The following DBF4B variants were observed in gnomAD, a reference collection of about 807,000 sequenced individuals.
DBF4B encodes the protein protein DBF4 homolog B.
Under a neutral mutation model 53.4 loss-of-function variants are expected in DBF4B, and 49 were observed. The ratio of observed to expected loss-of-function variants is 0.92; its 90% CI spans 0.73 to 1.16. The LOEUF (loss-of-function observed/expected upper bound fraction) is 1.16, where lower values mean the gene tolerates loss of function less well. Among genes scored for constraint, DBF4B ranks in the 50% most tolerant of loss-of-function variants. DBF4B has a pLI of 0.00. For missense variants in DBF4B, 692 were observed against 775.0 expected (o/e 0.89, Z 1.27); for synonymous variants, 257 against 288.7 (o/e 0.89, Z 1.11).
At chr17:44,748,500 G>A (rs534995901) in intron 13 of DBF4B, 35 bp downstream of exon 13, 24 of 1,612,482 alleles carry the variant, frequency 1.5e-5, no homozygotes, top group Admixed American at 6.7e-5. Flanking sequence ...TGGACAGCAC[G>A]CAGGCACCAG....
intron 10 of DBF4B, among the ~76,000 whole-genome samples, chr17:44,746,391 C>CT (rs1976600372): frequency 1.3e-5 from 2 of 152,154 alleles, no homozygotes; most frequent in African/African-American, 4.8e-5. Flanking sequence ...AGTCCCTTCA[C>CT]TGTGGTTGAG....
chr17:44,731,915 C>A, intron 5 of DBF4B: 1 of 416,666 alleles, frequency 2.4e-6, no homozygotes. Flanking sequence ...AGCATCTGTT[C>A]CTTCCTGGTC....
In DBF4B at chr17:44,747,137, G is replaced by A. The variant is rs2049120226; in HGVS notation, c.885G>A (p.Arg295=). Residue 295 remains arginine, a synonymous_variant, in exon 11 of 14, where the codon AGG becomes AGA. Transcript: ENST00000315005. The part of the protein sequence containing the change: ...SPRSAAHTMP[R]RKKGYCECCQ... ...GATCAGCTGCCCACACCATGCCCAG[G>A]AGGAAGAAAGGCTACTGCGAGTGCT... 6.2e-7 allele frequency: 1 copy of A among 1,614,218 alleles called. No homozygotes were observed. Among genetic ancestry groups the A allele is most frequent in the South Asian group, 1.1e-5 (1 of 91,082 alleles).
intron 3 of DBF4B, among the ~76,000 whole-genome samples, chr17:44,729,656 T>C (rs1974647739): frequency 6.8e-6 from 1 of 147,826 alleles, no homozygotes; most frequent in South Asian, 2.1e-4. Context: ...GGGGCAGCAG[T>C]CCTGTAGACA....
intron 9 of DBF4B, among the ~76,000 whole-genome samples, chr17:44,740,165 ACAATAT>A (rs1022792907): frequency 2.0e-5 from 3 of 152,174 alleles, no homozygotes; most frequent in African/African-American, 7.2e-5. Context: ...CTAAGCAGAA[ACAATAT>A]CATTGAAGAA....
chr17:44,718,449 T>C (rs897836842), intron 2 of DBF4B, among the ~76,000 whole-genome samples: 1 of 151,658 alleles, frequency 6.6e-6, no homozygotes, highest in African/African-American at 2.4e-5. Context: ...AGGTTACATA[T>C]TGCCTTTAAT....
rs1008348289 is a variant in DBF4B at position 44,734,148 on chromosome 17, G to C, written c.615G>C (p.Gln205His). 3.1e-6 allele frequency: 5 copies of C among 1,614,040 alleles called. No homozygotes were observed. Among genetic ancestry groups the C allele is most frequent in the African/African-American group, 1.3e-5 (1 of 74,914 alleles). Residue 205 changes from glutamine (Q) to histidine (H), a missense_variant, in exon 7 of 14, where the codon CAG (glutamine) becomes CAC (histidine). This residue lies in a region of DBF4B where 597 missense variants were observed against 665.8 expected (regional missense o/e 0.90). Transcript: ENST00000315005. ...CGTCTTTATGTGTGAAAAAACAACA[G>C]CCAAAGAAGCCAGAGGTAGGTCATC... ...SLASLCVKKQ[Q>H]PKKPEGTCPA...
Position 44,751,356 on chromosome 17 carries a change from C to G in DBF4B, c.*103C>G. 6.8e-7 allele frequency: 1 copy of G among 1,466,014 alleles called. No homozygotes were observed. Among genetic ancestry groups the G allele is most frequent in the Non-Finnish European group, 9.0e-7 (1 of 1,113,642 alleles). 90.8% of individuals were successfully genotyped at this position (1,466,014 alleles called of 1,614,324 possible). A position where few individuals can be genotyped will look rare whatever the true frequency, so the allele number is the denominator to read the frequency against. On this transcript the variant is annotated 3_prime_UTR_variant, in exon 14 of 14. Transcript: ENST00000315005. ...CCTTGGCGTGAGCACTGCTCAGACTCCTTTCCACTCCAGCCCCCTTTCCAC... is the reference window on the plus strand; with the variant it reads ...CCTTGGCGTGAGCACTGCTCAGACTGCTTTCCACTCCAGCCCCCTTTCCAC...
At chr17:44,729,172 G>C (rs759404971) in intron 3 of DBF4B, among the ~76,000 whole-genome samples, 1 of 151,648 alleles carries the variant, frequency 6.6e-6, no homozygotes, top group African/African-American at 2.4e-5. Flanking sequence ...TAGTGGTAAA[G>C]TGTATATAAC....
chr17:44,747,167 G>A lies in DBF4B; in HGVS notation c.915G>A (p.Gln305=). The A allele has an allele frequency of 6.2e-7, 1 of 1,614,184 alleles. No homozygotes were observed. The highest frequency in any genetic ancestry group is 8.5e-7 in the Non-Finnish European group (1 of 1,180,042). The part of the protein sequence containing the change: ...RRKKGYCECC[Q]EAFEELHVHL... ...AGAAAGGCTACTGCGAGTGCTGTCA[G>A]GAGGCCTTCGAGGAGCTCCATGTGG... Residue 305 remains glutamine, a synonymous_variant, in exon 11 of 14, where the codon CAG becomes CAA. Coordinates refer to ENST00000315005, the MANE Select transcript of DBF4B (RefSeq NM_145663.3).
At chr17:44,750,089 C>T in intron 13 of DBF4B, 2 of 997,056 alleles carry the variant, frequency 2.0e-6, no homozygotes, top group Non-Finnish European at 2.4e-6. Flanking sequence ...GAGCTGCCTG[C>T]CCGAAGTTCG....
chr17:44,717,826 G>C (rs747121800), intron 2 of DBF4B, among the ~76,000 whole-genome samples: 6 of 151,278 alleles, frequency 4.0e-5, no homozygotes, highest in Non-Finnish European at 1.5e-5. Context: ...ACCAGAATGG[G>C]CAACATAGTG....
intron 2 of DBF4B, among the ~76,000 whole-genome samples, chr17:44,710,658 C>T (rs982660342): frequency 2.6e-5 from 4 of 151,122 alleles, no homozygotes; most frequent in African/African-American, 7.3e-5. Context: ...TTGGCCTCAC[C>T]GGGATCAAGT....
At chr17:44,716,599 T>G (rs2906781) in intron 2 of DBF4B, among the ~76,000 whole-genome samples, 13,132 of 152,148 alleles carry the variant, frequency 0.086, 653 homozygotes, top group East Asian at 0.14. Context: ...ATCCCTGGCC[T>G]CCACCCGCTA....
chr17:44,725,853 A>G (rs1218231585), intron 3 of DBF4B, among the ~76,000 whole-genome samples: 2 of 150,874 alleles, frequency 1.3e-5, no homozygotes, highest in Non-Finnish European at 3.0e-5. Flanking sequence ...TGCCCTGCTC[A>G]TTTTTGTATT....
intron 2 of DBF4B, among the ~76,000 whole-genome samples, chr17:44,710,109 G>C (rs1598747256): frequency 6.6e-6 from 1 of 151,950 alleles, no homozygotes; most frequent in East Asian, 1.9e-4. Context: ...GGAGGCGGAG[G>C]TTGCAGCGAG....
intron 2 of DBF4B, chr17:44,720,313 C>T (rs1973718669): frequency 4.4e-6 from 1 of 228,268 alleles, no homozygotes; most frequent in South Asian, 7.3e-5. Flanking sequence ...TTCTTGTCAA[C>T]ACCAACTGGT....
chr17:44,708,915 G>C (rs1274320319), intron 1 of DBF4B, 76 bp downstream of exon 1: 2 of 1,535,928 alleles, frequency 1.3e-6, no homozygotes, highest in African/African-American at 2.8e-5. Context: ...GAGTCGTGGA[G>C]GGGGCTTAGG....
In DBF4B at chr17:44,750,927, T is replaced by G; in HGVS notation, c.1522T>G (p.Cys508Gly). Residue 508 changes from cysteine to glycine, a missense_variant, in exon 14 of 14, where the codon TGC becomes GGC. Around this residue, in one of 3 missense-constraint regions of DBF4B, gnomAD observed 597 missense variants for 665.8 expected, o/e 0.90. Transcript: ENST00000315005. ...EARPWLMSAR[C>G]WVRPFPFVTW... ...CAGACCGTGGCTTATGTCTGCACGCTGCTGGGTTCGTCCCTTTCCTTTTGT... is the reference window on the plus strand; with the variant it reads ...CAGACCGTGGCTTATGTCTGCACGCGGCTGGGTTCGTCCCTTTCCTTTTGT... 11 of 1,614,236 alleles carry G rather than the reference T, an allele frequency of 6.8e-6. No individual in the cohort carries two copies. Among genetic ancestry groups the G allele is most frequent in the Non-Finnish European group, 9.3e-6 (11 of 1,180,034 alleles).
Sources: gnomAD v4.1 joint callset for allele counts (sites outside exome capture counted in the v4.1 genomes callset) on GRCh38, gnomAD v4.1.1 for gene constraint, gnomAD v4.1.1 regional missense constraint, MANE v1.5 for transcripts, NCBI Gene and HGNC (gene_info 2026-07-23, HGNC 2026-07-21) for gene names.